Variants in LRRC4C observed in about 807,000 individuals in gnomAD.
The protein encoded by LRRC4C is leucine rich repeat containing 4C.
LRRC4C carries 5 observed loss-of-function variants against 33.6 expected under a neutral mutation model. The ratio of observed to expected loss-of-function variants is 0.15; its 90% CI spans 0.08 to 0.31. The LOEUF (loss-of-function observed/expected upper bound fraction) is 0.31, where lower values mean the gene tolerates loss of function less well. LRRC4C is among the 10% of genes least tolerant of loss of function. The probability of loss-of-function intolerance (pLI) is 1.00; values close to 1 mark genes in which losing one functional copy is unlikely to be tolerated. For missense variants in LRRC4C, 560 were observed against 796.7 expected, an observed-to-expected ratio of 0.70 and a Z score of 3.58; for synonymous variants, 329 against 302.0, an observed-to-expected ratio of 1.09 and a Z score of -0.93.
intron 5 of LRRC4C, among the ~76,000 whole-genome samples, chr11:40,151,605 G>A (rs1303315822): frequency 1.3e-5 from 2 of 152,080 alleles, no homozygotes; most frequent in Non-Finnish European, 2.9e-5. Context: ...AGTAGTTCGC[G>A]GAAGGTAGAG....
At chr11:40,149,108 T>C (rs1369621252) in intron 5 of LRRC4C, among the ~76,000 whole-genome samples, 2 of 152,188 alleles carry the variant, frequency 1.3e-5, no homozygotes, top group Non-Finnish European at 2.9e-5. Context: ...AGTTGGGTAG[T>C]GTGATGTATC....
At chr11:40,443,763 A>G (rs937458493) in intron 3 of LRRC4C, among the ~76,000 whole-genome samples, 3 of 152,112 alleles carry the variant, frequency 2.0e-5, no homozygotes, top group African/African-American at 7.2e-5. Flanking sequence ...TTAAAAACGT[A>G]TTTTCAAAAA....
chr11:41,232,653 T>G (rs1947851620), intron 1 of LRRC4C, among the ~76,000 whole-genome samples: 1 of 151,886 alleles, frequency 6.6e-6, no homozygotes, highest in Admixed American at 6.6e-5. Context: ...AGCCATTAAA[T>G]AATTGAAATA....
At chr11:40,467,763 C>G (rs751656910) in intron 3 of LRRC4C, among the ~76,000 whole-genome samples, 2 of 152,172 alleles carry the variant, frequency 1.3e-5, no homozygotes, top group Admixed American at 6.6e-5. Context: ...AATACCATCT[C>G]TTGGAGCAAT....
At chr11:41,109,547 AC>A (rs1941708040) in intron 1 of LRRC4C, among the ~76,000 whole-genome samples, 1 of 152,002 alleles carries the variant, frequency 6.6e-6, no homozygotes, top group Non-Finnish European at 1.5e-5. Flanking sequence ...TGAAATGACA[AC>A]CTTTTAATTT....
At chr11:40,965,373 T>C (rs1241439212) in intron 1 of LRRC4C, among the ~76,000 whole-genome samples, 1 of 152,136 alleles carries the variant, frequency 6.6e-6, no homozygotes, top group East Asian at 1.9e-4. Context: ...TTTAGTTTAA[T>C]GAGGTCCCAT....
intron 2 of LRRC4C, among the ~76,000 whole-genome samples, chr11:40,862,988 G>A (rs1008238953): frequency 8.5e-5 from 13 of 152,114 alleles, no homozygotes; most frequent in African/African-American, 2.9e-4. Flanking sequence ...TCTCCAACAC[G>A]GAACACGTTA....
At chr11:40,120,505 A>G (rs368854531) in intron 6 of LRRC4C, among the ~76,000 whole-genome samples, 4 of 152,134 alleles carry the variant, frequency 2.6e-5, no homozygotes, top group East Asian at 3.9e-4. Flanking sequence ...TGAAACAGAC[A>G]TAGGTTTCAG....
intron 3 of LRRC4C, among the ~76,000 whole-genome samples, chr11:40,522,438 G>A (rs1168419131): frequency 6.6e-6 from 1 of 152,126 alleles, no homozygotes; most frequent in South Asian, 2.1e-4. Context: ...TGTTGTGTGA[G>A]GGACCCAGTG....
intron 1 of LRRC4C, among the ~76,000 whole-genome samples, chr11:41,361,299 G>C (rs1952346681): frequency 6.6e-6 from 1 of 152,144 alleles, no homozygotes; most frequent in Non-Finnish European, 1.5e-5. Flanking sequence ...GTCAAATCCA[G>C]ACTATAACCC....
At chr11:40,851,099 G>T (rs925282341) in intron 2 of LRRC4C, among the ~76,000 whole-genome samples, 3 of 152,128 alleles carry the variant, frequency 2.0e-5, no homozygotes, top group Non-Finnish European at 4.4e-5. Context: ...AAGAACACTT[G>T]GCTGTCTGAC....
intron 6 of LRRC4C, among the ~76,000 whole-genome samples, chr11:40,122,992 T>C (rs1046659600): frequency 4.4e-5 from 6 of 134,866 alleles, no homozygotes; most frequent in Non-Finnish European, 9.8e-5. Context: ...CACACATATA[T>C]ACTATTTTAT....
At chr11:40,262,244 G>A (rs1941903938) in intron 4 of LRRC4C, among the ~76,000 whole-genome samples, 1 of 151,872 alleles carries the variant, frequency 6.6e-6, no homozygotes, top group Admixed American at 6.6e-5. Context: ...CATCATCACG[G>A]GTCATTAGAG....
intron 3 of LRRC4C, among the ~76,000 whole-genome samples, chr11:40,509,250 A>T (rs79463071): frequency 0.018 from 2,783 of 152,274 alleles, 101 homozygotes; most frequent in African/African-American, 0.063. Context: ...GTAATAATTT[A>T]AGCAATGCAT....
At chr11:40,972,777 A>G (rs548862649) in intron 1 of LRRC4C, among the ~76,000 whole-genome samples, 4 of 152,144 alleles carry the variant, frequency 2.6e-5, no homozygotes, top group Non-Finnish European at 5.9e-5. Flanking sequence ...CACTTCCCAC[A>G]GGTCTTTTTC....
chr11:40,429,684 G>A (rs1297209217), intron 3 of LRRC4C, among the ~76,000 whole-genome samples: 1 of 152,004 alleles, frequency 6.6e-6, no homozygotes, highest in African/African-American at 2.4e-5. Context: ...AGAGTTTTAA[G>A]AATCTCTTTG....
At chr11:40,616,527 TA>T in intron 3 of LRRC4C, among the ~76,000 whole-genome samples, 1 of 151,722 alleles carries the variant, frequency 6.6e-6, no homozygotes. Flanking sequence ...CCAACAATGA[TA>T]GACTGGATTA....
chr11:41,221,145 T>G (rs1349138861), intron 1 of LRRC4C, among the ~76,000 whole-genome samples: 1 of 152,060 alleles, frequency 6.6e-6, no homozygotes, highest in Non-Finnish European at 1.5e-5. Context: ...CTTCCGACCC[T>G]CCACCTTCCG....
intron 3 of LRRC4C, among the ~76,000 whole-genome samples, chr11:40,564,349 A>G (rs1957671116): frequency 6.6e-6 from 1 of 152,206 alleles, no homozygotes. Flanking sequence ...TGGACATATT[A>G]CATGAGTCTA....
Sources: allele counts gnomAD v4.1 joint callset (sites outside exome capture counted in the v4.1 genomes callset), GRCh38; gene constraint gnomAD v4.1.1; transcripts MANE v1.5; gene names NCBI Gene and HGNC (gene_info 2026-07-23, HGNC 2026-07-21).